Variants in OSBPL8 observed in about 807,000 individuals in gnomAD.
OSBPL8 encodes oxysterol-binding protein-related protein 8.
In OSBPL8, 59 loss-of-function variants were observed where a neutral mutation model predicts 125.5. The ratio of observed to expected loss-of-function variants is 0.47; its 90% confidence interval spans 0.38 to 0.58. OSBPL8 has a LOEUF of 0.58. OSBPL8 is among the 20% of genes least tolerant of loss of function. The pLI is 0.00. For missense variants in OSBPL8, 758 were observed against 1,047.8 expected, an observed-to-expected ratio of 0.72 and a Z score of 3.82; for synonymous variants, 330 against 338.9, an observed-to-expected ratio of 0.97 and a Z score of 0.29.
rs1311837621 is a variant in OSBPL8 at position 76,459,824 on chromosome 12, T to G, written c.79+35A>C. The stretch of plus-strand genomic sequence containing the variant: ...AATCACACATCAAAATATTATCATG[T>G]CCCCAAACATGCCGTTCAAGCTTCA... On this transcript the variant is annotated intron_variant, in intron 3 of 23. Transcript: ENST00000261183. 13 of 1,611,802 alleles carry G rather than the reference T, an allele frequency of 8.1e-6. No homozygotes were observed. The African/African-American group carries it at 1.7e-4, about 22-fold the overall frequency.
intron 1 of OSBPL8, among the ~76,000 whole-genome samples, chr12:76,496,687 C>G (rs1370493704): frequency 6.6e-6 from 1 of 152,008 alleles, no homozygotes; most frequent in Non-Finnish European, 1.5e-5. Context: ...ATTACAGGAA[C>G]CTGCCACCAC....
intron 1 of OSBPL8, among the ~76,000 whole-genome samples, chr12:76,528,618 C>T (rs904726230): frequency 6.6e-6 from 1 of 151,844 alleles, no homozygotes; most frequent in African/African-American, 2.4e-5. Context: ...AGGGTACATC[C>T]TAAAATAAAA....
intron 1 of OSBPL8, among the ~76,000 whole-genome samples, chr12:76,494,568 T>C (rs1430184582): frequency 2.6e-5 from 4 of 152,062 alleles, no homozygotes; most frequent in Non-Finnish European, 4.4e-5. Flanking sequence ...CTACATGAAT[T>C]TTGAAGGTAG....
rs755725671 is a variant in OSBPL8, at chr12:76,392,767, A to G, written c.758-15T>C. 1 of 1,582,302 alleles carries G rather than the reference A, an allele frequency of 6.3e-7. No homozygotes were observed. Among genetic ancestry groups the G allele is most frequent in the Non-Finnish European group, 8.6e-7 (1 of 1,158,150 alleles). On this transcript the variant is annotated splice_polypyrimidine_tract_variant and intron_variant, in intron 9 of 23. Transcript: ENST00000261183. ...CCAGCACCTTCCTAAAAGAACACAGATTCATAAGCACTATAATTTTTAAAA... is the reference window on the plus strand; with the variant it reads ...CCAGCACCTTCCTAAAAGAACACAGGTTCATAAGCACTATAATTTTTAAAA...
rs549804292 is a variant in OSBPL8 at position 76,485,927 on chromosome 12, T to C, written c.42+1583A>G. 145 of 315,492 alleles carry C rather than the reference T, an allele frequency of 4.6e-4. 1 individual carries two copies. The highest frequency in any genetic ancestry group is 7.2e-4 in the Non-Finnish European group (116 of 160,078). The allele number at this position is 315,492 out of a possible 1,614,324, so 19.5% of individuals were successfully genotyped here. A position where few individuals can be genotyped will look rare whatever the true frequency, so the allele number is the denominator to read the frequency against. On this transcript the variant is annotated intron_variant, in intron 2 of 23. Transcript: ENST00000261183. ...TTGAGTTGAAAGAATCTAAGTCCAT[T>C]AGATATAAAAAAAGGTAAAGTTTAT...
intron 4 of OSBPL8, among the ~76,000 whole-genome samples, chr12:76,433,974 C>CAAAAAAAAAAAAAAAAAA (rs34241447): frequency 1.2e-5 from 1 of 82,142 alleles, no homozygotes; most frequent in Non-Finnish European, 2.2e-5. Context: ...GACTCCATCT[C>CAAAAAAAAAAAAAAAAAA]AAAAAAAAAA....
intron 1 of OSBPL8, among the ~76,000 whole-genome samples, chr12:76,508,680 T>C (rs766536426): frequency 6.6e-6 from 1 of 152,230 alleles, no homozygotes; most frequent in Non-Finnish European, 1.5e-5. Context: ...AAATAACCTC[T>C]GGTCATCCTC....
At chr12:76,470,208 T>C (rs921755598) in intron 2 of OSBPL8, among the ~76,000 whole-genome samples, 1 of 152,214 alleles carries the variant, frequency 6.6e-6, no homozygotes, top group Non-Finnish European at 1.5e-5. Flanking sequence ...GGCATGCATC[T>C]GGTGAGACTG....
At chr12:76,495,851 T>C (rs986879332) in intron 1 of OSBPL8, among the ~76,000 whole-genome samples, 1 of 152,236 alleles carries the variant, frequency 6.6e-6, no homozygotes, top group Non-Finnish European at 1.5e-5. Flanking sequence ...GGAAGTTTCT[T>C]CTGCTTTTTT....
chr12:76,532,018 G>A (rs1397230566), intron 1 of OSBPL8, among the ~76,000 whole-genome samples: 2 of 119,776 alleles, frequency 1.7e-5, no homozygotes, highest in African/African-American at 3.4e-5. Context: ...GCCTGGGCAA[G>A]AGAGCAAGAC....
intron 1 of OSBPL8, among the ~76,000 whole-genome samples, chr12:76,499,883 T>C (rs922447416): frequency 2.0e-5 from 3 of 151,840 alleles, no homozygotes. Context: ...TGTTAGTCCT[T>C]CCATTGCCCA....
chr12:76,527,725 C>T (rs1363188953), intron 1 of OSBPL8, among the ~76,000 whole-genome samples: 1 of 152,174 alleles, frequency 6.6e-6, no homozygotes, highest in African/African-American at 2.4e-5. Flanking sequence ...CTACAAAAAA[C>T]ATTGAGTTGC....
chr12:76,482,791 A>G (rs2136996372), intron 2 of OSBPL8, among the ~76,000 whole-genome samples: 1 of 152,334 alleles, frequency 6.6e-6, no homozygotes, highest in Admixed American at 6.5e-5. Context: ...CTTTCAAAAG[A>G]TAGTTTTAGA....
intron 4 of OSBPL8, among the ~76,000 whole-genome samples, chr12:76,416,509 A>T (rs998080454): frequency 5.9e-5 from 9 of 152,104 alleles, no homozygotes; most frequent in Admixed American, 2.0e-4. Flanking sequence ...GAAGAATATA[A>T]GTACAGATTT....
intron 2 of OSBPL8, chr12:76,486,232 G>C (rs1878119510): frequency 3.6e-6 from 1 of 279,498 alleles, no homozygotes; most frequent in Non-Finnish European, 7.2e-6. Context: ...ACTGCATTTT[G>C]CTATCAATCA....
intron 4 of OSBPL8, among the ~76,000 whole-genome samples, chr12:76,449,977 T>TG (rs1464064802): frequency 3.9e-5 from 6 of 152,250 alleles, no homozygotes; most frequent in African/African-American, 1.4e-4. Context: ...CCCATATATA[T>TG]ATATGCATGA....
chr12:76,518,913 G>A (rs548565534), intron 1 of OSBPL8, among the ~76,000 whole-genome samples: 151 of 152,298 alleles, frequency 9.9e-4, no homozygotes, highest in African/African-American at 3.5e-3. Context: ...GGGAGAGGCT[G>A]CTTCTAAGAT....
chr12:76,357,720 C>T (rs1952038141), intron 22 of OSBPL8, among the ~76,000 whole-genome samples: 2 of 152,160 alleles, frequency 1.3e-5, no homozygotes, highest in Non-Finnish European at 2.9e-5. Flanking sequence ...AATTGAGCTC[C>T]CTCTCCTTTA....
In OSBPL8 at chr12:76,355,875, AT is replaced by A; in HGVS notation, c.*13del. The A allele has an allele frequency of 6.2e-7, 1 of 1,611,628 alleles. No homozygotes were observed. Among genetic ancestry groups the A allele is most frequent in the Non-Finnish European group, 8.5e-7 (1 of 1,178,792 alleles). ...CAGATCTTTCTAGTTCACTGATTCA[AT>A]GGTAGAGAACTTCTACTTGAACATG... On this transcript the variant is annotated 3_prime_UTR_variant, in exon 24 of 24. Transcript: ENST00000261183.
Sources: gnomAD v4.1 joint callset for allele counts (sites outside exome capture counted in the v4.1 genomes callset) on GRCh38, gnomAD v4.1.1 for gene constraint, MANE v1.5 for transcripts, NCBI Gene and HGNC (gene_info 2026-07-23, HGNC 2026-07-21) for gene names.